Variants in CPNE8 observed in about 807,000 individuals in gnomAD.
CPNE8 encodes the protein copine 8, also known as copine-8.
A neutral mutation model predicts 81.5 loss-of-function variants in CPNE8; 45 were observed. That is an observed-to-expected ratio of 0.55 (90% CI 0.44 to 0.71). The LOEUF (loss-of-function observed/expected upper bound fraction) is 0.71. Among genes scored for constraint, CPNE8 ranks in the 30% least tolerant of loss-of-function variants. The pLI is 0.00. For synonymous variants in CPNE8, 252 were observed against 226.3 expected (o/e 1.11, Z -1.02); for missense variants, 594 against 672.1 (o/e 0.88, Z 1.28).
rs745420513 is a variant in CPNE8, at chr12:38,685,532, T to C, written c.1229A>G (p.Tyr410Cys). 3.1e-6 allele frequency: 5 copies of C among 1,613,504 alleles called. No homozygotes were observed. Among genetic ancestry groups the C allele is most frequent in the Admixed American group, 1.7e-5 (1 of 60,004 alleles). Residue 410 changes from tyrosine (Y) to cysteine (C), a missense_variant, in exon 16 of 20, where the codon TAT becomes TGT. Coordinates refer to ENST00000331366, the MANE Select transcript of CPNE8 (RefSeq NM_153634.3). ...YYRSLKSVQL[Y>C]GPTNFAPVIN... ...TACAGGAGCAAAGTTGGTGGGCCCA[T>C]ATAGTTGTACAGATTTCAGACTCCT...
intron 1 of CPNE8, among the ~76,000 whole-genome samples, chr12:38,902,368 G>GAAAGAAAGA (rs1944491865): frequency 1.5e-5 from 1 of 66,776 alleles, no homozygotes; most frequent in Non-Finnish European, 2.7e-5. Flanking sequence ...AAGAAAGAAA[G>GAAAGAAAGA]AAAGAAAGAA....
At chr12:38,660,322 C>A (rs1300524441) in intron 19 of CPNE8, among the ~76,000 whole-genome samples, 1 of 152,166 alleles carries the variant, frequency 6.6e-6, no homozygotes, top group Non-Finnish European at 1.5e-5. Flanking sequence ...ACATCTACAA[C>A]CATCTGATCT....
chr12:38,675,860 T>C, intron 17 of CPNE8, 86 bp from the exon 18 acceptor site: 1 of 894,032 alleles, frequency 1.1e-6, no homozygotes, highest in Non-Finnish European at 1.8e-6. Context: ...TATCTCACTC[T>C]TGAAATCCCA....
At chr12:38,667,064 C>A (rs1027080502) in intron 19 of CPNE8, among the ~76,000 whole-genome samples, 3 of 152,056 alleles carry the variant, frequency 2.0e-5, no homozygotes, top group African/African-American at 7.2e-5. Context: ...ATCTACTACC[C>A]CCAATATTCT....
intron 19 of CPNE8, among the ~76,000 whole-genome samples, chr12:38,662,938 T>C (rs1352518100): frequency 2.0e-5 from 3 of 152,088 alleles, no homozygotes; most frequent in African/African-American, 7.2e-5. Flanking sequence ...GATATCCATA[T>C]GCAGAAGAAT....
In CPNE8 at chr12:38,667,601, C is replaced by T. The variant is rs556484035; in HGVS notation, c.1506+3128G>A. Among the ~76,000 whole-genome samples, 3 of 152,298 alleles carry T rather than the reference C, an allele frequency of 2.0e-5. No homozygotes were observed. The South Asian group carries it at 6.2e-4, about 32-fold the overall frequency. On this transcript the variant is annotated intron_variant, in intron 19 of 19. Coordinates refer to ENST00000331366, the MANE Select transcript of CPNE8 (RefSeq NM_153634.3). ...GGAATGTAAGTCAAGATGCCACTGTCATTCAGGGTGCTACTAATTTCCTAG... is the reference window on the plus strand; with the variant it reads ...GGAATGTAAGTCAAGATGCCACTGTTATTCAGGGTGCTACTAATTTCCTAG...
At chr12:38,896,355 A>C (rs570160568) in intron 1 of CPNE8, among the ~76,000 whole-genome samples, 108 of 152,154 alleles carry the variant, frequency 7.1e-4, no homozygotes, top group African/African-American at 2.1e-3. Flanking sequence ...AGGCACTAAC[A>C]CTGAATGTTG....
intron 7 of CPNE8, among the ~76,000 whole-genome samples, chr12:38,768,481 T>C (rs998180692): frequency 3.9e-5 from 6 of 152,126 alleles, no homozygotes; most frequent in African/African-American, 1.4e-4. Flanking sequence ...AAAATCAAAA[T>C]AAATAGTTTT....
At chr12:38,714,359 C>T (rs1940335926) in intron 13 of CPNE8, among the ~76,000 whole-genome samples, 1 of 151,660 alleles carries the variant, frequency 6.6e-6, no homozygotes, top group Non-Finnish European at 1.5e-5. Flanking sequence ...AAATAATCTC[C>T]AATTTTAGGT....
intron 14 of CPNE8, among the ~76,000 whole-genome samples, chr12:38,698,906 G>A (rs192553878): frequency 5.9e-5 from 9 of 152,154 alleles, no homozygotes; most frequent in East Asian, 5.8e-4. Flanking sequence ...ATTAATTTCC[G>A]TATGAATTTC....
chr12:38,832,377 G>C (rs953937116), intron 5 of CPNE8, among the ~76,000 whole-genome samples: 1 of 152,182 alleles, frequency 6.6e-6, no homozygotes, highest in Non-Finnish European at 1.5e-5. Context: ...GCAGGGCAAT[G>C]CAATCACCCA....
At chr12:38,654,981 G>C (rs938563986) in intron 19 of CPNE8, among the ~76,000 whole-genome samples, 67 of 152,104 alleles carry the variant, frequency 4.4e-4, no homozygotes, top group Non-Finnish European at 7.9e-4. Flanking sequence ...GAAATATTCA[G>C]TACATTGAGT....
intron 19 of CPNE8, among the ~76,000 whole-genome samples, chr12:38,663,198 C>T (rs1378286240): frequency 1.3e-5 from 2 of 151,874 alleles, no homozygotes; most frequent in Non-Finnish European, 2.9e-5. Context: ...AGTGAAGAGA[C>T]AAACTTTTAT....
intron 19 of CPNE8, among the ~76,000 whole-genome samples, chr12:38,669,131 C>T (rs1939120507): frequency 6.6e-6 from 1 of 152,016 alleles, no homozygotes; most frequent in Non-Finnish European, 1.5e-5. Context: ...GGTTCTTTTT[C>T]CCAGCTGCTG....
At chr12:38,905,757 G>C (rs528562125), upstream of CPNE8, 10 of 1,393,510 alleles carry the variant, frequency 7.2e-6, no homozygotes, top group African/African-American at 1.3e-4. Flanking sequence ...TGCCAGGCAA[G>C]TGGCGCGCGG....
intron 1 of CPNE8, among the ~76,000 whole-genome samples, chr12:38,901,386 A>T (rs1291026406): frequency 1.3e-5 from 2 of 152,224 alleles, no homozygotes; most frequent in African/African-American, 4.8e-5. Flanking sequence ...TCAGTGAAAT[A>T]GTGCAACAAA....
rs571406230 is a variant in CPNE8, at chr12:38,781,298, A to G, written c.408-4997T>C. Among the ~76,000 whole-genome samples, 7 of 152,162 alleles carry G rather than the reference A, an allele frequency of 4.6e-5. No individual in the cohort carries two copies. In the East Asian group the frequency reaches 1.4e-3, roughly 29 times the overall value. On this transcript the variant is annotated intron_variant, in intron 6 of 19. Transcript: ENST00000331366. ...AGGTAGTAGAAATAAACCTAGAGGA[A>G]TAGTTACTGATGTAAATGTAAATGA...
intron 4 of CPNE8, among the ~76,000 whole-genome samples, chr12:38,840,828 C>T (rs1943458031): frequency 6.6e-6 from 1 of 152,140 alleles, no homozygotes; most frequent in Admixed American, 6.5e-5. Flanking sequence ...TTCATTATCA[C>T]TTTATCCCCT....
chr12:38,808,724 G>T (rs1360268297), intron 6 of CPNE8, among the ~76,000 whole-genome samples: 1 of 151,010 alleles, frequency 6.6e-6, no homozygotes, highest in Non-Finnish European at 1.5e-5. Context: ...TGCACATTGT[G>T]CACATGTACC....
Sources: allele counts gnomAD v4.1 joint callset (sites outside exome capture counted in the v4.1 genomes callset), GRCh38; gene constraint gnomAD v4.1.1; transcripts MANE v1.5; gene names NCBI Gene and HGNC (gene_info 2026-07-23, HGNC 2026-07-21).